The following KANK1 variants were observed in gnomAD, a reference collection of about 807,000 sequenced individuals.
KANK1 encodes the protein KN motif and ankyrin repeat domains 1, also known as KN motif and ankyrin repeat domain-containing protein 1.
KANK1 carries 109 observed loss-of-function variants against 106.2 expected under a neutral mutation model. The ratio of observed to expected loss-of-function variants is 1.03; its 90% CI spans 0.88 to 1.20. KANK1 has a LOEUF of 1.20. Among genes scored for constraint, KANK1 ranks in the 50% most tolerant of loss-of-function variants. KANK1 has a pLI of 0.00. For missense variants in KANK1, 2,399 were observed against 1,710.7 expected (o/e 1.40, Z -7.10); for synonymous variants, 873 against 652.2 (o/e 1.34, Z -5.16).
intron 1 of KANK1, among the ~76,000 whole-genome samples, chr9:548,048 G>A (rs371397303): frequency 2.5e-4 from 38 of 152,126 alleles, no homozygotes; most frequent in African/African-American, 8.9e-4. Flanking sequence ...AACTATGATA[G>A]CATATGGTTT....
intron 1 of KANK1, among the ~76,000 whole-genome samples, chr9:600,197 C>T (rs975979810): frequency 3.3e-5 from 5 of 151,646 alleles, no homozygotes; most frequent in African/African-American, 7.3e-5. Context: ...TACAACAACT[C>T]CCCACCCCCC....
At chr9:675,550 TAA>T (rs759922017) in intron 1 of KANK1, among the ~76,000 whole-genome samples, 1 of 152,190 alleles carries the variant, frequency 6.6e-6, no homozygotes. Context: ...GATTGAAATA[TAA>T]GTCTTATTAT....
chr9:632,962 G>A (rs1383543127), intron 1 of KANK1, among the ~76,000 whole-genome samples: 3 of 152,076 alleles, frequency 2.0e-5, no homozygotes, highest in Non-Finnish European at 4.4e-5. Flanking sequence ...CCAAAGTGCT[G>A]GGATTACAGG....
chr9:697,035 C>T (rs1279642875), intron 2 of KANK1, among the ~76,000 whole-genome samples: 1 of 152,082 alleles, frequency 6.6e-6, no homozygotes, highest in Non-Finnish European at 1.5e-5. Context: ...CACCCAGACT[C>T]AGATTTCCCA....
At chr9:568,824 G>A (rs1563783906) in intron 1 of KANK1, among the ~76,000 whole-genome samples, 1 of 152,288 alleles carries the variant, frequency 6.6e-6, no homozygotes, top group East Asian at 1.9e-4. Context: ...GTATGTGTAT[G>A]ATTAGAAGCA....
intron 10 of KANK1, among the ~76,000 whole-genome samples, chr9:743,759 G>A (rs1274815224): frequency 6.6e-6 from 1 of 152,150 alleles, no homozygotes; most frequent in African/African-American, 2.4e-5. Flanking sequence ...ATACCGTGGT[G>A]GTTGAGGCAG....
rs765380981 is a variant in KANK1, at chr9:745,285, G to A, written c.*50G>A. On this transcript the variant is annotated 3_prime_UTR_variant, in exon 12 of 12. Transcript: ENST00000382297. ...ACATGCCACTATTAAGCTGCTAATT[G>A]TTCCTGTTGGGGTGACAGATACTGA... is the stretch of plus-strand genomic sequence containing the variant. 14 of 1,609,260 alleles carry A rather than the reference G, an allele frequency of 8.7e-6. No individual in the cohort carries two copies. The South Asian group carries it at 1.2e-4, about 14-fold the overall frequency.
At chr9:674,645 A>T (rs909426020) in intron 1 of KANK1, among the ~76,000 whole-genome samples, 3 of 152,126 alleles carry the variant, frequency 2.0e-5, no homozygotes, top group Non-Finnish European at 2.9e-5. Flanking sequence ...AATAGCATTT[A>T]AAAAAATACC....
intron 3 of KANK1, among the ~76,000 whole-genome samples, chr9:499,513 T>G (rs753925396): frequency 1.3e-5 from 2 of 152,124 alleles, no homozygotes; most frequent in Non-Finnish European, 2.9e-5. Flanking sequence ...CCCCCAGACC[T>G]TGGAGATCCT....
intron 4 of KANK1, 143 bp downstream of exon 4, chr9:730,391 T>A: frequency 1.1e-6 from 1 of 902,252 alleles, no homozygotes; most frequent in Non-Finnish European, 1.7e-6. Context: ...AGAATATCTT[T>A]AAATAAGGTT....
In KANK1 at chr9:624,522, G is replaced by A. The variant is rs182734274; in HGVS notation, c.-83-52368G>A. ...TGCATTAAAAACAATGATGAAAACA[G>A]GCCGGGTGTGGTGGCTCATGCCTGT... On this transcript the variant is annotated intron_variant, in intron 1 of 11. Coordinates refer to ENST00000382297, the MANE Select transcript of KANK1 (RefSeq NM_015158.5). 3.5e-3 allele frequency among the ~76,000 whole-genome samples: 526 copies of A among 152,250 alleles called. 4 individuals are homozygous for A. Among genetic ancestry groups the A allele is most frequent in the African/African-American group, 0.012 (513 of 41,528 alleles).
intron 1 of KANK1, among the ~76,000 whole-genome samples, chr9:580,541 C>G (rs539660993): frequency 6.6e-6 from 1 of 152,186 alleles, no homozygotes; most frequent in Non-Finnish European, 1.5e-5. Context: ...GAGCTAGACG[C>G]AAAAGTTCTC....
chr9:714,361 A>ATTT (rs33935286), intron 3 of KANK1, among the ~76,000 whole-genome samples: 6,082 of 128,778 alleles, frequency 0.047, 346 homozygotes, highest in African/African-American at 0.084. Context: ...TTTCCCACTC[A>ATTT]TTTTTTTTTT....
chr9:719,442 A>G (rs1828714283), intron 3 of KANK1, among the ~76,000 whole-genome samples: 2 of 152,214 alleles, frequency 1.3e-5, no homozygotes, highest in South Asian at 2.1e-4. Context: ...CAGAATGTCA[A>G]GCTGAAAATG....
Position 712,344 on chromosome 9 carries a change from G to A in KANK1, c.1578G>A (p.Met526Ile). The change falls in exon 3 of 12, where the codon ATG becomes ATA. Residue 526 changes from methionine (M) to isoleucine (I), a missense_variant. By Grantham distance (10) the Met-to-Ile change is conservative. Coordinates refer to ENST00000382297, the MANE Select transcript of KANK1 (RefSeq NM_015158.5). ...CAGTGGTGCAGACCAGAGACCAAAT[G>A]GTCGGCAGTCACATGGACCTGGTGG... ...VEAVVQTRDQMVGSHMDLVDT... is the reference protein window; with the variant it reads ...VEAVVQTRDQIVGSHMDLVDT... 1 of 1,614,198 alleles carries A rather than the reference G, an allele frequency of 6.2e-7. No homozygotes were observed. Among genetic ancestry groups the A allele is most frequent in the South Asian group, 1.1e-5 (1 of 91,082 alleles).
chr9:737,685 T>G (rs1834170064), intron 7 of KANK1, among the ~76,000 whole-genome samples: 1 of 152,138 alleles, frequency 6.6e-6, no homozygotes, highest in Non-Finnish European at 1.5e-5. Context: ...TATTTGGGAT[T>G]GGGGTGGGAA....
intron 1 of KANK1, among the ~76,000 whole-genome samples, chr9:556,677 G>T (rs1565792): frequency 1.7e-5 from 1 of 59,822 alleles, no homozygotes. Context: ...TACTCAAATT[G>T]CTAGCCCCTT....
At chr9:609,248 GT>G (rs1446514273) in intron 1 of KANK1, among the ~76,000 whole-genome samples, 1 of 152,158 alleles carries the variant, frequency 6.6e-6, no homozygotes, top group East Asian at 1.9e-4. Context: ...CATTTTATAA[GT>G]TTATTGTTTG....
chr9:564,062 C>CTTT (rs34396017), intron 1 of KANK1, among the ~76,000 whole-genome samples: 2 of 140,244 alleles, frequency 1.4e-5, no homozygotes, highest in African/African-American at 5.3e-5. Context: ...CACTTTCTTT[C>CTTT]TTTTTTTTTT....
Sources: allele counts gnomAD v4.1 joint callset (sites outside exome capture counted in the v4.1 genomes callset), GRCh38; gene constraint gnomAD v4.1.1; transcripts MANE v1.5; gene names NCBI Gene and HGNC (gene_info 2026-07-23, HGNC 2026-07-21).